Variants in CIB1 observed in about 807,000 individuals in gnomAD.
CIB1 encodes the protein calcium and integrin-binding protein 1.
Under a neutral mutation model 25.0 loss-of-function variants are expected in CIB1, and 19 were observed. That is an observed-to-expected ratio of 0.76 (90% CI 0.53 to 1.12). The LOEUF is 1.12. Ranked by LOEUF, CIB1 falls within the 50% of genes most tolerant of loss-of-function variation. The pLI, the probability that CIB1 is intolerant of heterozygous loss-of-function variation, is 0.00. For synonymous variants in CIB1, 104 were observed against 98.5 expected, an observed-to-expected ratio of 1.06 and a Z score of -0.33; for missense variants, 236 against 242.6, an observed-to-expected ratio of 0.97 and a Z score of 0.18.
At chr15:90,252,215 T>C in the CIB1 span, among the ~76,000 whole-genome samples, 1 of 152,070 alleles carries the variant, frequency 6.6e-6, no homozygotes, top group African/African-American at 2.4e-5. Flanking sequence ...AATTTTGTAC[T>C]TTTAGTAGAC....
chr15:90,264,155 C>T, the CIB1 span: 2 of 733,700 alleles, frequency 2.7e-6, no homozygotes, highest in Middle Eastern at 5.2e-4. Context: ...ATGGCACTTC[C>T]ACCAGTGTAA....
chr15:90,231,903 T>C (rs74037067), intron 3 of CIB1, among the ~76,000 whole-genome samples: 4,007 of 152,336 alleles, frequency 0.026, 167 homozygotes, highest in African/African-American at 0.088. Context: ...TGCAGCAGCC[T>C]TACGGAGTGG....
At chr15:90,249,827 C>A in the CIB1 span, 1 of 152,274 alleles carries the variant, frequency 6.6e-6, no homozygotes, top group Non-Finnish European at 1.5e-5. Context: ...TCTCCACCGT[C>A]ACAGCCCAAA....
the CIB1 span, among the ~76,000 whole-genome samples, chr15:90,248,526 CCAACACAGCAAAA>C: frequency 6.6e-6 from 1 of 151,588 alleles, no homozygotes; most frequent in Admixed American, 6.6e-5. Context: ...ATCAGCCTGG[CCAACACAGCAAAA>C]CCCCATCTCT....
At chr15:90,258,355 G>A in the CIB1 span, 1 of 1,136,148 alleles carries the variant, frequency 8.8e-7, no homozygotes, top group Admixed American at 1.8e-5. Flanking sequence ...CACTCAGGTG[G>A]TGGAACACAG....
At chr15:90,259,043 T>G in the CIB1 span, 1 of 1,563,260 alleles carries the variant, frequency 6.4e-7, no homozygotes, top group East Asian at 2.3e-5. Flanking sequence ...ACTTTTTGCA[T>G]AGATAATATG....
chr15:90,262,995 G>C, the CIB1 span: 34 of 1,535,948 alleles, frequency 2.2e-5, no homozygotes, highest in African/African-American at 5.5e-5. Context: ...ACACCATGAG[G>C]CCTCAAGAAA....
At chr15:90,262,898 G>A in the CIB1 span, 10 of 1,469,896 alleles carry the variant, frequency 6.8e-6, no homozygotes, top group Non-Finnish European at 9.0e-6. Context: ...GAGGCCTGTA[G>A]CCATCCTGGG....
chr15:90,264,144 T>C, the CIB1 span: 2 of 779,916 alleles, frequency 2.6e-6, no homozygotes, highest in South Asian at 3.4e-5. Flanking sequence ...TAAAATATAA[T>C]ATGGCACTTC....
the CIB1 span, chr15:90,240,900 G>T: frequency 4.4e-6 from 7 of 1,601,382 alleles, no homozygotes; most frequent in South Asian, 5.5e-5. Context: ...ACTATTTCAG[G>T]TCAGCTCTAT....
the CIB1 span, chr15:90,243,544 G>C: frequency 1.3e-4 from 19 of 150,620 alleles, no homozygotes; most frequent in Non-Finnish European, 2.6e-4. Context: ...ATAGGGTCTT[G>C]CTATGTTGCC....
the CIB1 span, chr15:90,250,883 C>T: frequency 1.9e-6 from 3 of 1,613,458 alleles, no homozygotes; most frequent in East Asian, 4.5e-5. Context: ...AAGGCGGAAA[C>T]GCAGGTAACT....
the CIB1 span, chr15:90,251,669 G>A: frequency 1.3e-6 from 2 of 1,547,288 alleles, no homozygotes; most frequent in East Asian, 4.5e-5. Flanking sequence ...CTCTGGAATG[G>A]ACCCCCGATC....
chr15:90,231,138 T>C lies in CIB1; in HGVS notation c.422A>G (p.Asp141Gly). The change falls in exon 5 of 7, where the codon GAC (aspartate) becomes GGC (glycine). Residue 141 changes from aspartate to glycine, a missense_variant. Asp to Gly is a moderately conservative substitution (Grantham distance 94, BLOSUM62 -1). Transcript: ENST00000328649. The part of the protein sequence containing the change: ...LVNCLTGEGE[D>G]TRLSASEMKQ... ...CATCTCAGACGCACTAAGCCGTGTG[T>C]CCTCGCCCTCTCCCGTGAGGCAGTT... 2 of 1,614,210 alleles carry C rather than the reference T, an allele frequency of 1.2e-6. No homozygotes were observed. The highest frequency in any genetic ancestry group is 1.7e-6 in the Non-Finnish European group (2 of 1,180,042).
chr15:90,251,700 C>G, the CIB1 span: 1 of 1,341,490 alleles, frequency 7.5e-7, no homozygotes, highest in Admixed American at 1.7e-5. Flanking sequence ...CCCCTGGGGC[C>G]TGGCGGGCTT....
chr15:90,255,655 C>T, the CIB1 span: 48 of 1,550,886 alleles, frequency 3.1e-5, no homozygotes, highest in Non-Finnish European at 4.0e-5. Context: ...TGTGACTTCT[C>T]CCTTAACCTT....
rs949989733 is a variant in CIB1 at position 90,233,720 on chromosome 15, G to C, written c.52-17C>G. ...CGTCAAGTCCTGGAAGGCAAAGCCA[G>C]AGCGGGGATTAGCGGACCGCTGGGA... is the stretch of plus-strand genomic sequence containing the variant. On this transcript the variant is annotated splice_polypyrimidine_tract_variant and intron_variant, in intron 1 of 6. Transcript: ENST00000328649. 1.3e-6 allele frequency: 2 copies of C among 1,568,258 alleles called. No individual in the cohort carries two copies. Among genetic ancestry groups the C allele is most frequent in the Non-Finnish European group, 1.7e-6 (2 of 1,156,240 alleles).
At chr15:90,255,681 C>G in the CIB1 span, 1 of 1,603,758 alleles carries the variant, frequency 6.2e-7, no homozygotes, top group Non-Finnish European at 8.5e-7. Flanking sequence ...TCCTCCTCCA[C>G]TGCTTCCTGG....
the CIB1 span, chr15:90,241,302 G>T: frequency 1.2e-5 from 19 of 1,614,082 alleles, no homozygotes; most frequent in Non-Finnish European, 1.5e-5. Flanking sequence ...GATCCGGCCC[G>T]GAGAAGTCCT....
Sources: allele counts gnomAD v4.1 joint callset (sites outside exome capture counted in the v4.1 genomes callset), GRCh38; gene constraint gnomAD v4.1.1; transcripts MANE v1.5; gene names NCBI Gene and HGNC (gene_info 2026-07-23, HGNC 2026-07-21).